Variants in CUX1 observed in about 807,000 individuals in gnomAD.
CUX1 encodes the protein cut like homeobox 1, also known as protein CASP.
CUX1 carries 31 observed loss-of-function variants against 158.8 expected under a neutral mutation model. The observed-to-expected ratio is 0.20, with a 90% confidence interval of 0.15 to 0.26. The LOEUF (loss-of-function observed/expected upper bound fraction) is 0.26. CUX1 is among the 10% of genes least tolerant of loss of function. CUX1 has a pLI of 1.00. For synonymous variants in CUX1, 879 were observed against 862.1 expected, an observed-to-expected ratio of 1.02 and a Z score of -0.34; for missense variants, 1,589 against 2,014.6, an observed-to-expected ratio of 0.79 and a Z score of 4.04.
At chr7:102,193,534 G>A (rs1314921982) in intron 12 of CUX1, among the ~76,000 whole-genome samples, 2 of 152,178 alleles carry the variant, frequency 1.3e-5, no homozygotes, top group African/African-American at 4.8e-5. Context: ...AATCACTCTG[G>A]TGGCTCATGC....
chr7:102,071,916 C>T (rs1188301939), intron 4 of CUX1, among the ~76,000 whole-genome samples: 1 of 152,202 alleles, frequency 6.6e-6, no homozygotes, highest in Middle Eastern at 3.2e-3. Flanking sequence ...TAAACTTTTG[C>T]TGTCTTAGGA....
chr7:101,909,495 T>C (rs1435415891), intron 1 of CUX1, among the ~76,000 whole-genome samples: 1 of 152,192 alleles, frequency 6.6e-6, no homozygotes, highest in Non-Finnish European at 1.5e-5. Context: ...ATTCTGTTGT[T>C]GGAAATGAAA....
chr7:102,022,088 G>A (rs865984461), intron 2 of CUX1, among the ~76,000 whole-genome samples: 7 of 152,154 alleles, frequency 4.6e-5, no homozygotes, highest in African/African-American at 9.7e-5. Flanking sequence ...TTGGGAGCAC[G>A]AGGCCCTAAG....
rs182808956 is a variant in CUX1 at position 101,919,135 on chromosome 7, C to A, written c.141+2910C>A. Among the ~76,000 whole-genome samples, 14 of 152,290 alleles carry A rather than the reference C, an allele frequency of 9.2e-5. No individual in the cohort carries two copies. In the East Asian group the frequency reaches 2.3e-3, roughly 25 times the overall value. On this transcript the variant is annotated intron_variant, in intron 2 of 23. Coordinates refer to ENST00000292535, the MANE Select transcript of CUX1 (RefSeq NM_181552.4). Reference sequence around the variant, plus strand: ...CCAGAACAGTGGTGGGAGTCGGGGGCTGTGGCCGGAGTGTGCTGGGTGTGC... The same window carrying A: ...CCAGAACAGTGGTGGGAGTCGGGGGATGTGGCCGGAGTGTGCTGGGTGTGC...
intron 11 of CUX1, chr7:102,187,164 C>A (rs1554515564): frequency 6.6e-6 from 1 of 152,166 alleles, no homozygotes; most frequent in Non-Finnish European, 1.5e-5. Context: ...AGAAGACCTG[C>A]AGCCGTGCCC....
chr7:102,257,284 T>A lies in CUX1; in HGVS notation c.*8242T>A. On this transcript the variant is annotated 3_prime_UTR_variant, in exon 24 of 24. Coordinates refer to ENST00000292535, the MANE Select transcript of CUX1 (RefSeq NM_181552.4). Reference sequence around the variant, plus strand: ...TGAAAGAAACCCTCCACCGAAACAATGGTCCCCATCTCCCCAGAAGCCTTT... The same window carrying A: ...TGAAAGAAACCCTCCACCGAAACAAAGGTCCCCATCTCCCCAGAAGCCTTT... 1 of 984,708 alleles carries A rather than the reference T, an allele frequency of 1.0e-6. No individual in the cohort carries two copies. The highest frequency in any genetic ancestry group is 1.2e-6 in the Non-Finnish European group (1 of 829,782). The allele number at this position is 984,708 out of a possible 1,614,324, so 61.0% of individuals were successfully genotyped here.
At chr7:101,969,204 G>A (rs754104191) in intron 2 of CUX1, among the ~76,000 whole-genome samples, 3 of 151,642 alleles carry the variant, frequency 2.0e-5, no homozygotes, top group Admixed American at 6.6e-5. Context: ...GCGTGGTGGC[G>A]CACACCTGTA....
At chr7:102,157,113 TAGAGCAC>T (rs373911387) in intron 8 of CUX1, among the ~76,000 whole-genome samples, 2 of 152,080 alleles carry the variant, frequency 1.3e-5, no homozygotes, top group African/African-American at 4.8e-5. Flanking sequence ...TGGGAGTTGT[TAGAGCAC>T]AGGGTCCTGA....
At chr7:101,878,679 G>GT (rs1032385676) in intron 1 of CUX1, among the ~76,000 whole-genome samples, 3,429 of 146,050 alleles carry the variant, frequency 0.023, 55 homozygotes, top group Middle Eastern at 0.035. Context: ...ATCTTTTTTT[G>GT]TTTTTTTTTT....
At chr7:102,044,825 G>A (rs1255758768) in intron 3 of CUX1, among the ~76,000 whole-genome samples, 1 of 152,140 alleles carries the variant, frequency 6.6e-6, no homozygotes. Flanking sequence ...TGGCCAGACA[G>A]GCGACTGTGG....
intron 9 of CUX1, among the ~76,000 whole-genome samples, chr7:102,169,857 T>C (rs1478316317): frequency 6.6e-6 from 1 of 152,212 alleles, no homozygotes; most frequent in Non-Finnish European, 1.5e-5. Context: ...ATTGGCCTGG[T>C]TGGCTGAAAA....
Position 102,248,779 on chromosome 7 carries a change from G to C in CUX1, c.4255G>C (p.Asp1419His). 1 of 1,053,008 alleles carries C rather than the reference G, an allele frequency of 9.5e-7. No individual in the cohort carries two copies. Among genetic ancestry groups the C allele is most frequent in the Non-Finnish European group, 1.1e-6 (1 of 872,736 alleles). The allele number at this position is 1,053,008 out of a possible 1,614,324, so 65.2% of individuals were successfully genotyped here. A position where few individuals can be genotyped will look rare whatever the true frequency, so the allele number is the denominator to read the frequency against. ...CACCGCCGCGCCCGCGGCCCCCGAG[G>C]ACGCCGCTACCTCAGCCGCCGCCGC... ...TATAAPAAPE[D>H]AATSAAAAPG... Residue 1419 changes from aspartate to histidine, a missense_variant, in exon 24 of 24, where the codon GAC becomes CAC. Around this residue, in one of 8 missense-constraint regions of CUX1, gnomAD observed 344 missense variants for 323.7 expected, o/e 1.06. Transcript: ENST00000292535. This position sits in a 1 kb window ranked among gnomAD's most constrained non-coding sequence, Gnocchi z 5.8.
Position 102,193,876 on chromosome 7 carries a change from G to T in CUX1, c.1111G>T (p.Gly371Cys). The T allele has an allele frequency of 1.9e-6, 3 of 1,614,034 alleles. No individual in the cohort carries two copies. Among genetic ancestry groups the T allele is most frequent in the Non-Finnish European group, 2.5e-6 (3 of 1,179,988 alleles). Residue 371 changes from glycine to cysteine, a missense_variant, in exon 13 of 24, where the codon GGC becomes TGC. By Grantham distance (159) the Gly-to-Cys change is radical. Around this residue, in one of 8 missense-constraint regions of CUX1, gnomAD observed 515 missense variants for 574.4 expected, o/e 0.90. Coordinates refer to ENST00000292535, the MANE Select transcript of CUX1 (RefSeq NM_181552.4). The part of the protein sequence containing the change: ...LKSMEFAPSE[G>C]AGTQDAAKPL... ...GTCCATGGAGTTTGCACCGTCCGAGGGCGCTGGGACACAGGTACGTGTCTC... is the reference window on the plus strand; with the variant it reads ...GTCCATGGAGTTTGCACCGTCCGAGTGCGCTGGGACACAGGTACGTGTCTC...
chr7:101,916,403 G>C lies in CUX1; in HGVS notation c.141+178G>C, dbSNP rs187484276. 1.6e-3 allele frequency: 838 copies of C among 518,978 alleles called. 2 individuals are homozygous for C. The highest frequency in any genetic ancestry group is 2.0e-3 in the Non-Finnish European group (566 of 281,284). 32.1% of individuals were successfully genotyped at this position (518,978 alleles called of 1,614,324 possible). ...CAGCAGAACGCATGCCATCCTGCAG[G>C]CTGTGGGGATGTGGAAATTGATAGG... is the stretch of plus-strand genomic sequence containing the variant. On this transcript the variant is annotated intron_variant, in intron 2 of 23. Coordinates refer to ENST00000292535, the MANE Select transcript of CUX1 (RefSeq NM_181552.4). This position sits in a 1 kb window ranked among gnomAD's most constrained non-coding sequence, Gnocchi z 4.4.
At chr7:102,052,111 C>T (rs1823580581) in intron 3 of CUX1, among the ~76,000 whole-genome samples, 1 of 152,002 alleles carries the variant, frequency 6.6e-6, no homozygotes, top group African/African-American at 2.4e-5. Flanking sequence ...ATCCCAGCTA[C>T]TCAGGAGACT....
chr7:101,821,540 G>T (rs570180933), intron 1 of CUX1, among the ~76,000 whole-genome samples: 1 of 151,000 alleles, frequency 6.6e-6, no homozygotes, highest in Non-Finnish European at 1.5e-5. Context: ...GGGTTTCACC[G>T]TGTTAGCCCG....
At position 102,257,216 on chromosome 7, in the gene CUX1, C is replaced by T; in HGVS notation, c.*8174C>T. The T allele has an allele frequency of 1.0e-6, 1 of 985,382 alleles. No homozygotes were observed. Among genetic ancestry groups the T allele is most frequent in the Non-Finnish European group, 1.2e-6 (1 of 829,914 alleles). 61.0% of individuals were successfully genotyped at this position (985,382 alleles called of 1,614,324 possible). A position where few individuals can be genotyped will look rare whatever the true frequency, so the allele number is the denominator to read the frequency against. ...GCATCTCTTTCCATATCATCACCTC[C>T]CCTTCTCCAAGATTGCCGGGGGCCC... On this transcript the variant is annotated 3_prime_UTR_variant, in exon 24 of 24. Coordinates refer to ENST00000292535, the MANE Select transcript of CUX1 (RefSeq NM_181552.4).
At chr7:102,126,777 G>A (rs1212019461) in intron 8 of CUX1, among the ~76,000 whole-genome samples, 1 of 152,140 alleles carries the variant, frequency 6.6e-6, no homozygotes, top group African/African-American at 2.4e-5. Context: ...GATGATTCAA[G>A]CACGTTCTAT....
At chr7:102,140,154 T>G (rs1166159298) in intron 8 of CUX1, among the ~76,000 whole-genome samples, 1 of 152,260 alleles carries the variant, frequency 6.6e-6, no homozygotes, top group African/African-American at 2.4e-5. Context: ...AGATGACTTC[T>G]AAGGCTTGGC....
Sources: allele counts gnomAD v4.1 joint callset (sites outside exome capture counted in the v4.1 genomes callset), GRCh38; gene constraint gnomAD v4.1.1; regional missense constraint gnomAD v4.1.1; non-coding constraint Gnocchi (gnomAD v3.1); transcripts MANE v1.5; gene names NCBI Gene and HGNC (gene_info 2026-07-23, HGNC 2026-07-21).